PHF24: variants seen among roughly 807,000 people sequenced by gnomAD.
PHF24 encodes Galpha inhibitory interacting protein.
Under a neutral mutation model 42.6 loss-of-function variants are expected in PHF24, and 25 were observed. The ratio of observed to expected loss-of-function variants is 0.59; its 90% CI spans 0.43 to 0.82. PHF24 has a LOEUF of 0.82. PHF24 is among the 40% of genes least tolerant of loss of function. The probability of loss-of-function intolerance (pLI) is 0.00; values close to 1 mark genes in which losing one functional copy is unlikely to be tolerated. For synonymous variants in PHF24, 185 were observed against 204.8 expected (o/e 0.90, Z 0.83); for missense variants, 470 against 538.1 (o/e 0.87, Z 1.25).
chr9:34,949,661 A>G, the PHF24 span, among the ~76,000 whole-genome samples: 6 of 152,208 alleles, frequency 3.9e-5, no homozygotes, highest in Non-Finnish European at 5.9e-5. Context: ...ATGGAATACT[A>G]TGAAGCCATA....
At chr9:34,811,943 C>A in the PHF24 span, among the ~76,000 whole-genome samples, 1 of 152,096 alleles carries the variant, frequency 6.6e-6, no homozygotes, top group African/African-American at 2.4e-5. Flanking sequence ...TACAACTCAA[C>A]AAGAAAGAAA....
chr9:34,870,652 TG>T, the PHF24 span, among the ~76,000 whole-genome samples: 1 of 151,946 alleles, frequency 6.6e-6, no homozygotes, highest in East Asian at 1.9e-4. Context: ...ACTGCAGGCT[TG>T]ACCTCCTGGA....
chr9:34,912,907 T>C, the PHF24 span, among the ~76,000 whole-genome samples: 2 of 152,212 alleles, frequency 1.3e-5, no homozygotes, highest in African/African-American at 4.8e-5. Context: ...TACCTTAAAG[T>C]GGCTATTATG....
chr9:34,919,172 C>T, the PHF24 span, among the ~76,000 whole-genome samples: 1 of 152,104 alleles, frequency 6.6e-6, no homozygotes, highest in African/African-American at 2.4e-5. Flanking sequence ...AATATTAATA[C>T]ATTTTATTGA....
chr9:34,920,434 G>T, the PHF24 span, among the ~76,000 whole-genome samples: 74 of 152,174 alleles, frequency 4.9e-4, no homozygotes, highest in African/African-American at 1.5e-3. Context: ...CTGCAGTGTT[G>T]TGATTCCTCC....
chr9:34,807,243 T>C, the PHF24 span, among the ~76,000 whole-genome samples: 1 of 152,228 alleles, frequency 6.6e-6, no homozygotes, highest in African/African-American at 2.4e-5. Context: ...TGTGCACTTT[T>C]ATTATAAAGG....
the PHF24 span, among the ~76,000 whole-genome samples, chr9:34,849,145 C>T: frequency 6.6e-6 from 1 of 152,172 alleles, no homozygotes. Flanking sequence ...AGTTCAATTC[C>T]TGGGTATCCT....
chr9:34,875,905 CTT>C, the PHF24 span, among the ~76,000 whole-genome samples: 2 of 130,220 alleles, frequency 1.5e-5, no homozygotes, highest in Admixed American at 7.9e-5. Flanking sequence ...GTCTCTCTCT[CTT>C]ACACACACAC....
intron 1 of PHF24, among the ~76,000 whole-genome samples, chr9:34,967,934 C>A (rs1324153917): frequency 6.6e-6 from 1 of 152,072 alleles, no homozygotes; most frequent in Non-Finnish European, 1.5e-5. Context: ...CCCAAAGCAA[C>A]CAGCAACAGG....
the PHF24 span, among the ~76,000 whole-genome samples, chr9:34,767,113 T>TG: frequency 6.6e-6 from 1 of 152,186 alleles, no homozygotes; most frequent in Non-Finnish European, 1.5e-5. Context: ...CTGCCCCTAC[T>TG]GGGGGGTGTC....
chr9:34,880,235 A>G, the PHF24 span, among the ~76,000 whole-genome samples: 14 of 152,250 alleles, frequency 9.2e-5, 1 homozygote, highest in Admixed American at 9.2e-4. Context: ...GGTACCAGCC[A>G]CTGCAAAAAC....
chr9:34,667,768 C>A, the PHF24 span, among the ~76,000 whole-genome samples: 1 of 152,160 alleles, frequency 6.6e-6, no homozygotes, highest in East Asian at 1.9e-4. Flanking sequence ...CTAGAGGCTG[C>A]CTTTCAGTGT....
At chr9:34,944,050 C>T in the PHF24 span, among the ~76,000 whole-genome samples, 2 of 152,338 alleles carry the variant, frequency 1.3e-5, no homozygotes, top group South Asian at 4.1e-4. Context: ...TCACTTTCCT[C>T]AGCCTCTTTA....
chr9:34,848,433 GA>G, the PHF24 span, among the ~76,000 whole-genome samples: 1 of 151,796 alleles, frequency 6.6e-6, no homozygotes, highest in Non-Finnish European at 1.5e-5. Context: ...ATTTCTGTGG[GA>G]TTGGTGGTGA....
chr9:34,978,227 C>G, exon 8 of PHF24: 1 of 732,912 alleles, frequency 1.4e-6, no homozygotes, highest in Admixed American at 2.3e-5. Flanking sequence ...CTGCCAGCGT[C>G]TTAACTTGTC....
chr9:34,711,274 T>A, the PHF24 span, among the ~76,000 whole-genome samples: 1,731 of 150,536 alleles, frequency 0.011, 42 homozygotes, highest in African/African-American at 0.041. Context: ...TGACACAGGG[T>A]CTCGCTTTGT....
At chr9:34,925,312 C>T in the PHF24 span, among the ~76,000 whole-genome samples, 1 of 152,172 alleles carries the variant, frequency 6.6e-6, no homozygotes, top group African/African-American at 2.4e-5. Context: ...TACAATTTGA[C>T]TATAATGTTC....
the PHF24 span, among the ~76,000 whole-genome samples, chr9:34,915,171 T>A: frequency 2.0e-5 from 3 of 151,744 alleles, no homozygotes; most frequent in African/African-American, 7.3e-5. Context: ...TAGCTGGGAC[T>A]ACAGGTGCAT....
At chr9:34,740,137 A>G in the PHF24 span, among the ~76,000 whole-genome samples, 5 of 152,348 alleles carry the variant, frequency 3.3e-5, no homozygotes, top group African/African-American at 1.2e-4. Context: ...AAGGTTCTCC[A>G]TGTCCCCACC....
Sources: allele counts gnomAD v4.1 joint callset (sites outside exome capture counted in the v4.1 genomes callset), GRCh38; gene constraint gnomAD v4.1.1; transcripts MANE v1.5; gene names NCBI Gene and HGNC (gene_info 2026-07-23, HGNC 2026-07-21).